HDAC9: variants seen among roughly 807,000 people sequenced by gnomAD.
HDAC9 encodes the protein MEF-2 interacting transcription repressor (MITR) protein.
A neutral mutation model predicts 139.4 loss-of-function variants in HDAC9; 41 were observed. That is an observed-to-expected ratio of 0.29 (90% CI 0.23 to 0.38). The LOEUF (loss-of-function observed/expected upper bound fraction) is 0.38, where lower values mean the gene tolerates loss of function less well. Ranked by LOEUF, HDAC9 falls within the 10% of genes least tolerant of loss-of-function variation. The pLI is 1.00. For missense variants in HDAC9, 1,147 were observed against 1,297.0 expected, an observed-to-expected ratio of 0.88 and a Z score of 1.78; for synonymous variants, 517 against 476.2, an observed-to-expected ratio of 1.09 and a Z score of -1.12.
intron 25 of HDAC9, among the ~76,000 whole-genome samples, chr7:18,991,000 G>A (rs1004942862): frequency 5.3e-5 from 8 of 152,198 alleles, no homozygotes; most frequent in South Asian, 2.1e-4. Flanking sequence ...GAAATCACCC[G>A]TCTTCTGCGT....
chr7:18,147,350 G>C (rs1482164110), intron 1 of HDAC9, among the ~76,000 whole-genome samples: 1 of 152,080 alleles, frequency 6.6e-6, no homozygotes, highest in Admixed American at 6.5e-5. Flanking sequence ...ACATTTGGAA[G>C]GTTACAAAAA....
At position 18,188,193 on chromosome 7, in the gene HDAC9, C is replaced by T. The variant is rs1177765037; in HGVS notation, c.25+25844C>T. On this transcript the variant is annotated intron_variant, in intron 2 of 12. Transcript: ENST00000417496. ...AGAACAGAGGCCTCAGAAATAGCAC[C>T]ACACATCTACAACCATCTGATCTTT... is the stretch of plus-strand genomic sequence containing the variant. 2.0e-5 allele frequency among the ~76,000 whole-genome samples: 3 copies of T among 152,104 alleles called. No homozygotes were observed. In the East Asian group the frequency reaches 5.8e-4, roughly 29 times the overall value.
At chr7:18,089,141 C>T (rs907770478) in intron 1 of HDAC9, among the ~76,000 whole-genome samples, 1 of 152,098 alleles carries the variant, frequency 6.6e-6, no homozygotes, top group Non-Finnish European at 1.5e-5. Context: ...CGGTTAGATG[C>T]ACATAAGGTT....
At chr7:18,812,624 G>C (rs1794262166) in intron 17 of HDAC9, among the ~76,000 whole-genome samples, 1 of 151,694 alleles carries the variant, frequency 6.6e-6, no homozygotes, top group Non-Finnish European at 1.5e-5. Context: ...TTAATGATTA[G>C]GTAGAATTCC....
intron 2 of HDAC9, among the ~76,000 whole-genome samples, chr7:18,205,679 C>T (rs1435289864): frequency 6.6e-6 from 1 of 152,004 alleles, no homozygotes; most frequent in African/African-American, 2.4e-5. Context: ...ATCCTATAAT[C>T]TTCTCCCTCA....
At chr7:18,806,558 C>T (rs1336720218) in intron 17 of HDAC9, among the ~76,000 whole-genome samples, 1 of 152,132 alleles carries the variant, frequency 6.6e-6, no homozygotes, top group African/African-American at 2.4e-5. Flanking sequence ...CTCTCTGTGA[C>T]CACGGTTGGA....
Position 18,336,217 on chromosome 7 carries a change from C to T in HDAC9, c.-42+45702C>T, listed in dbSNP as rs1781571960. On this transcript the variant is annotated intron_variant, in intron 1 of 3. Coordinates refer to the HDAC9 transcript ENST00000413509. Reference sequence around the variant, plus strand: ...ATAGCATATCTTGTATCAGGTCAAACAGATGTTATTGTTAATGTTGTTGTT... The same window carrying T: ...ATAGCATATCTTGTATCAGGTCAAATAGATGTTATTGTTAATGTTGTTGTT... Among the ~76,000 whole-genome samples the T allele has an allele frequency of 5.9e-5, 9 of 151,644 alleles. No individual in the cohort carries two copies. The South Asian group carries it at 1.9e-3, about 32-fold the overall frequency.
chr7:18,760,716 G>T lies in HDAC9; in HGVS notation c.2044-1441G>T, dbSNP rs377448280. Among the ~76,000 whole-genome samples the T allele has an allele frequency of 9.2e-5, 14 of 152,258 alleles. No individual in the cohort carries two copies. The South Asian group carries it at 1.9e-3, about 20-fold the overall frequency. On this transcript the variant is annotated intron_variant, in intron 14 of 25. Coordinates refer to ENST00000686413, the MANE Select transcript of HDAC9 (RefSeq NM_178425.4). ...ATTTTGCTTTAATCACTCCCTTCCT[G>T]TTACCCCTGCAGACCCCCACCAATC...
chr7:18,899,986 CT>C (rs1801550806), intron 22 of HDAC9, among the ~76,000 whole-genome samples: 1 of 151,980 alleles, frequency 6.6e-6, no homozygotes, highest in South Asian at 2.1e-4. Context: ...ATAGATTTCT[CT>C]GTACATGGAT....
intron 6 of HDAC9, among the ~76,000 whole-genome samples, chr7:18,598,176 C>T (rs928261682): frequency 6.6e-6 from 1 of 152,102 alleles, no homozygotes; most frequent in Non-Finnish European, 1.5e-5. Flanking sequence ...TACACTTGTG[C>T]ATGTGTGAAT....
chr7:18,561,375 A>T (rs1241784459), intron 2 of HDAC9, among the ~76,000 whole-genome samples: 1 of 152,174 alleles, frequency 6.6e-6, no homozygotes, highest in Admixed American at 6.5e-5. Flanking sequence ...TTTGTTCTGT[A>T]TATTAACCTT....
In HDAC9 at chr7:18,421,521, G is replaced by A. The variant is rs116474855; in HGVS notation, c.-41-74741G>A. ...GGAAAAGGAAGAAAAGAAAGAAATA[G>A]AATAAAACAGAAAGAACACAATTAT... On this transcript the variant is annotated intron_variant, in intron 1 of 3. Transcript: ENST00000413509. Among the ~76,000 whole-genome samples the A allele has an allele frequency of 6.9e-3, 1,044 of 152,062 alleles. 13 individuals carry two copies. The highest frequency in any genetic ancestry group is 0.023 in the African/African-American group (968 of 41,504).
chr7:18,327,608 T>C (rs1245867106), intron 1 of HDAC9: 2 of 151,818 alleles, frequency 1.3e-5, no homozygotes, highest in Non-Finnish European at 2.9e-5. Flanking sequence ...AAGAAAAACA[T>C]GTATTTCTGA....
At chr7:18,557,362 T>C (rs1819147639) in intron 2 of HDAC9, among the ~76,000 whole-genome samples, 1 of 150,600 alleles carries the variant, frequency 6.6e-6, no homozygotes, top group African/African-American at 2.4e-5. Flanking sequence ...TTTTTATATC[T>C]AACCTTAATC....
chr7:18,266,601 T>A (rs1796018709), intron 2 of HDAC9, among the ~76,000 whole-genome samples: 1 of 152,144 alleles, frequency 6.6e-6, no homozygotes, highest in Admixed American at 6.5e-5. Flanking sequence ...AAAATTAATT[T>A]TTTCCTGTTT....
chr7:18,524,692 T>C (rs1806227563), intron 2 of HDAC9, among the ~76,000 whole-genome samples: 1 of 152,114 alleles, frequency 6.6e-6, no homozygotes, highest in South Asian at 2.1e-4. Flanking sequence ...GTCTCTCTTC[T>C]AGGGATTGAG....
intron 22 of HDAC9, among the ~76,000 whole-genome samples, chr7:18,891,084 C>T (rs1800641009): frequency 6.6e-6 from 1 of 152,148 alleles, no homozygotes; most frequent in Admixed American, 6.5e-5. Flanking sequence ...AATGAGCTGC[C>T]AGCTCTGTTC....
intron 1 of HDAC9, among the ~76,000 whole-genome samples, chr7:18,429,501 C>T (rs1434213294): frequency 2.0e-5 from 3 of 151,896 alleles, no homozygotes; most frequent in Non-Finnish European, 4.4e-5. Context: ...CATTTAATGT[C>T]CTCAATTGCA....
intron 11 of HDAC9, among the ~76,000 whole-genome samples, chr7:18,655,486 A>G (rs1241270202): frequency 6.6e-6 from 1 of 152,188 alleles, no homozygotes; most frequent in African/African-American, 2.4e-5. Flanking sequence ...TAGGTCTCCA[A>G]AAAAATCCAC....
Sources: gnomAD v4.1 joint callset for allele counts (sites outside exome capture counted in the v4.1 genomes callset) on GRCh38, gnomAD v4.1.1 for gene constraint, MANE v1.5 for transcripts, NCBI Gene and HGNC (gene_info 2026-07-23, HGNC 2026-07-21) for gene names.